Variants in KAT6B observed in about 807,000 individuals in gnomAD.
The protein encoded by KAT6B is histone acetyltransferase KAT6B.
In KAT6B, 10 loss-of-function variants were observed where a neutral mutation model predicts 187.5. That is an observed-to-expected ratio of 0.05 (90% CI 0.03 to 0.09). The LOEUF (loss-of-function observed/expected upper bound fraction) is 0.09. KAT6B is among the 10% of genes least tolerant of loss of function. KAT6B has a pLI of 1.00. For missense variants in KAT6B, 1,952 were observed against 2,558.9 expected (o/e 0.76, Z 5.12); for synonymous variants, 861 against 926.8 (o/e 0.93, Z 1.29).
intron 3 of KAT6B, among the ~76,000 whole-genome samples, chr10:74,897,325 A>G (rs1846063074): frequency 6.6e-6 from 1 of 151,836 alleles, no homozygotes; most frequent in African/African-American, 2.4e-5. Flanking sequence ...CCCGCTCCCC[A>G]CTCTAACATG....
intron 3 of KAT6B, among the ~76,000 whole-genome samples, chr10:74,862,644 G>A (rs755417205): frequency 6.6e-6 from 1 of 152,190 alleles, no homozygotes; most frequent in East Asian, 1.9e-4. Flanking sequence ...TCTGCTTCCT[G>A]CTAAAAGAGA....
At chr10:74,971,351 T>C (rs1841836134) in intron 6 of KAT6B, among the ~76,000 whole-genome samples, 1 of 152,236 alleles carries the variant, frequency 6.6e-6, no homozygotes. Flanking sequence ...CCTATTTTCC[T>C]GTATTGTGAC....
chr10:74,897,769 A>G (rs1307780036), intron 3 of KAT6B, among the ~76,000 whole-genome samples: 1 of 152,228 alleles, frequency 6.6e-6, no homozygotes, highest in Admixed American at 6.5e-5. Flanking sequence ...AGTACATCCT[A>G]TTAAAAATTT....
intron 3 of KAT6B, among the ~76,000 whole-genome samples, chr10:74,934,393 T>TAA (rs1849097500): frequency 6.6e-6 from 1 of 152,296 alleles, no homozygotes; most frequent in East Asian, 1.9e-4. Context: ...TAAAATCCAC[T>TAA]AAACTCAGCA....
intron 13 of KAT6B, among the ~76,000 whole-genome samples, chr10:75,011,487 C>T (rs1346597939): frequency 6.6e-6 from 1 of 152,156 alleles, no homozygotes; most frequent in African/African-American, 2.4e-5. Context: ...TGGTGATAGG[C>T]AATGGGCTTC....
At chr10:74,983,079 C>T (rs928117234) in intron 11 of KAT6B, 1 of 152,170 alleles carries the variant, frequency 6.6e-6, no homozygotes, top group African/African-American at 2.4e-5. Context: ...AAAGCTTTCT[C>T]TTTTTCTATC....
intron 17 of KAT6B, chr10:75,025,570 C>CTT: frequency 1.5e-5 from 4 of 266,864 alleles, no homozygotes; most frequent in South Asian, 5.3e-5. Flanking sequence ...CTAATATGTA[C>CTT]TTTTTTTTTT....
chr10:74,990,413 T>G (rs2133875841), intron 13 of KAT6B, among the ~76,000 whole-genome samples: 1 of 152,226 alleles, frequency 6.6e-6, no homozygotes, highest in East Asian at 1.9e-4. Context: ...TCTATATTGT[T>G]AGGTATTAAA....
chr10:74,975,850 C>T lies in KAT6B; in HGVS notation c.1513C>T (p.Pro505Ser). ...CCCAACCCCCATCTCCGGTCAGAGC[C>T]CCAGTTCACAAAAGTCCAGCACGGC... ...PPPTPISGQSPSSQKSSTATS... is the reference protein window; with the variant it reads ...PPPTPISGQSSSSQKSSTATS... The change falls in exon 8 of 18, where the codon CCC (proline) becomes TCC (serine). Residue 505 changes from proline (P) to serine (S), a missense_variant. Physicochemically the swap from Pro to Ser is moderately conservative, Grantham distance 74 (BLOSUM62 -1). Coordinates refer to ENST00000287239, the MANE Select transcript of KAT6B (RefSeq NM_012330.4). 1 of 1,614,166 alleles carries T rather than the reference C, an allele frequency of 6.2e-7. No homozygotes were observed. The highest frequency in any genetic ancestry group is 8.5e-7 in the Non-Finnish European group (1 of 1,180,030).
At chr10:74,925,268 C>A (rs1341936575) in intron 3 of KAT6B, among the ~76,000 whole-genome samples, 1 of 152,138 alleles carries the variant, frequency 6.6e-6, no homozygotes, top group Non-Finnish European at 1.5e-5. Context: ...TCTTGAACTC[C>A]TGACCTCACG....
In KAT6B at chr10:74,976,024, C is replaced by T; in HGVS notation, c.1687C>T (p.Pro563Ser). 6.2e-7 allele frequency: 1 copy of T among 1,614,110 alleles called. No homozygotes were observed. Among genetic ancestry groups the T allele is most frequent in the Non-Finnish European group, 8.5e-7 (1 of 1,180,032 alleles). Residue 563 changes from proline (P) to serine (S), a missense_variant, in exon 8 of 18, where the codon CCG becomes TCG. This residue lies in a region of KAT6B where 417 missense variants were observed against 508.9 expected (regional missense o/e 0.82). Coordinates refer to ENST00000287239, the MANE Select transcript of KAT6B (RefSeq NM_012330.4). ...TQGQSRKKGH[P>S]SYAPPKRMRR... ...GGGACAGTCTCGCAAAAAGGGACAC[C>T]CGAGTTATGCACCACCCAAACGTAT...
intron 3 of KAT6B, among the ~76,000 whole-genome samples, chr10:74,955,388 C>G (rs944296601): frequency 7.0e-6 from 1 of 142,176 alleles, no homozygotes; most frequent in African/African-American, 2.6e-5. Context: ...TTTTATCCCC[C>G]CCCCCCCAAC....
chr10:74,923,618 A>T (rs1848292833), intron 3 of KAT6B, among the ~76,000 whole-genome samples: 1 of 152,190 alleles, frequency 6.6e-6, no homozygotes, highest in Non-Finnish European at 1.5e-5. Flanking sequence ...GGAGTGTTCT[A>T]GATGGAGGGA....
chr10:74,876,242 A>T (rs1844409121), intron 3 of KAT6B, among the ~76,000 whole-genome samples: 2 of 152,146 alleles, frequency 1.3e-5, no homozygotes, highest in Admixed American at 1.3e-4. Context: ...CGGCTTTTAA[A>T]CTATGGCAGT....
chr10:74,997,547 A>G (rs187107963), intron 13 of KAT6B, among the ~76,000 whole-genome samples: 127 of 152,116 alleles, frequency 8.3e-4, no homozygotes, highest in African/African-American at 2.8e-3. Context: ...TAGCCACTCC[A>G]CTCCGAAGTC....
chr10:74,965,811 C>T (rs1055759595), intron 4 of KAT6B, among the ~76,000 whole-genome samples: 5 of 151,422 alleles, frequency 3.3e-5, no homozygotes, highest in Non-Finnish European at 7.4e-5. Context: ...CTGCAAGCTC[C>T]GCCTCCCGGG....
chr10:74,898,878 C>T (rs947314467), intron 3 of KAT6B, among the ~76,000 whole-genome samples: 1 of 151,590 alleles, frequency 6.6e-6, no homozygotes, highest in Non-Finnish European at 1.5e-5. Context: ...CGGCTGGGCA[C>T]GGTGGCTCAT....
At chr10:74,901,929 A>G (rs1000636541) in intron 3 of KAT6B, among the ~76,000 whole-genome samples, 1 of 152,206 alleles carries the variant, frequency 6.6e-6, no homozygotes, top group Non-Finnish European at 1.5e-5. Flanking sequence ...TTTGTTAAAA[A>G]GAGAGCTGGA....
At chr10:75,018,282 C>A (rs1845131931) in intron 13 of KAT6B, among the ~76,000 whole-genome samples, 2 of 152,350 alleles carry the variant, frequency 1.3e-5, no homozygotes, top group African/African-American at 4.8e-5. Context: ...CCCATCAGGG[C>A]TGATCACCCT....
Sources: gnomAD v4.1 joint callset for allele counts (sites outside exome capture counted in the v4.1 genomes callset) on GRCh38, gnomAD v4.1.1 for gene constraint, gnomAD v4.1.1 regional missense constraint, MANE v1.5 for transcripts, NCBI Gene and HGNC (gene_info 2026-07-23, HGNC 2026-07-21) for gene names.